The following FHIT variants were observed in gnomAD, a reference collection of about 807,000 sequenced individuals.
The protein encoded by FHIT is fragile histidine triad diadenosine triphosphatase.
FHIT carries 19 observed loss-of-function variants against 17.9 expected under a neutral mutation model. The observed-to-expected ratio is 1.06, with a 90% CI of 0.74 to 1.56. The LOEUF (loss-of-function observed/expected upper bound fraction) is 1.56. Among genes scored for constraint, FHIT ranks in the 40% most tolerant of loss-of-function variants. The pLI is 0.00. For missense variants in FHIT, 248 were observed against 189.2 expected, an observed-to-expected ratio of 1.31 and a Z score of -1.82; for synonymous variants, 81 against 69.7, an observed-to-expected ratio of 1.16 and a Z score of -0.81.
chr3:60,572,487 A>C (rs1488411710), intron 4 of FHIT, among the ~76,000 whole-genome samples: 1 of 151,734 alleles, frequency 6.6e-6, no homozygotes, highest in Non-Finnish European at 1.5e-5. Context: ...ATAATGGCTA[A>C]AAATCCACAG....
At chr3:60,829,275 A>G (rs1347894842) in intron 3 of FHIT, among the ~76,000 whole-genome samples, 5 of 152,160 alleles carry the variant, frequency 3.3e-5, no homozygotes, top group Admixed American at 2.6e-4. Flanking sequence ...TAACCAATAA[A>G]TTACCCCTCT....
intron 8 of FHIT, among the ~76,000 whole-genome samples, chr3:59,870,866 T>TTTGTGTCTGC (rs1553701978): frequency 4.2e-5 from 4 of 95,752 alleles, no homozygotes; most frequent in African/African-American, 1.2e-4. Flanking sequence ...CGTGTGTGTG[T>TTTGTGTCTGC]GTGTGTGCGT....
Position 60,014,004 on chromosome 3 carries a change from C to A in FHIT, c.249+3G>T. 2 of 1,613,864 alleles carry A rather than the reference C, an allele frequency of 1.2e-6. No individual in the cohort carries two copies. Among genetic ancestry groups the A allele is most frequent in the South Asian group, 1.1e-5 (1 of 91,050 alleles). Reference sequence around the variant, plus strand: ...ATCATTTCTGAGAAATCTGTACACTCACCTGCATGGAAAAGGTGAGAGAGG... The same window carrying A: ...ATCATTTCTGAGAAATCTGTACACTAACCTGCATGGAAAAGGTGAGAGAGG... On this transcript the variant is annotated splice_donor_region_variant and intron_variant, in intron 6 of 9. Coordinates refer to ENST00000492590, the MANE Select transcript of FHIT (RefSeq NM_002012.4).
At chr3:61,104,146 G>A (rs535177108) in intron 2 of FHIT, among the ~76,000 whole-genome samples, 1 of 152,062 alleles carries the variant, frequency 6.6e-6, no homozygotes, top group African/African-American at 2.4e-5. Flanking sequence ...TTGTTTATGT[G>A]GTTGTTTTAT....
chr3:60,689,947 T>C (rs1174669211), intron 4 of FHIT, among the ~76,000 whole-genome samples: 2 of 152,250 alleles, frequency 1.3e-5, no homozygotes, highest in African/African-American at 2.4e-5. Flanking sequence ...TCTCACTTTT[T>C]GTTAACTTGG....
At chr3:60,539,107 C>G (rs1191857186) in intron 4 of FHIT, among the ~76,000 whole-genome samples, 1 of 152,092 alleles carries the variant, frequency 6.6e-6, no homozygotes, top group Non-Finnish European at 1.5e-5. Context: ...AAAAAACAAA[C>G]AACCCCATCA....
At chr3:60,302,742 T>A (rs944939778) in intron 5 of FHIT, among the ~76,000 whole-genome samples, 4 of 152,150 alleles carry the variant, frequency 2.6e-5, no homozygotes, top group Non-Finnish European at 5.9e-5. Context: ...GAGGCTGAGC[T>A]CCTTTATCAA....
At chr3:61,093,147 G>A (rs931790538) in intron 2 of FHIT, among the ~76,000 whole-genome samples, 1 of 152,180 alleles carries the variant, frequency 6.6e-6, no homozygotes, top group Non-Finnish European at 1.5e-5. Context: ...AACGTGGTGG[G>A]ATGTTTTGAG....
chr3:60,190,031 T>C (rs958688252), intron 5 of FHIT, among the ~76,000 whole-genome samples: 1 of 152,242 alleles, frequency 6.6e-6, no homozygotes, highest in Non-Finnish European at 1.5e-5. Context: ...CCATTCAGCT[T>C]TGAAACATGT....
intron 8 of FHIT, among the ~76,000 whole-genome samples, chr3:59,803,480 C>T (rs565501303): frequency 5.5e-4 from 83 of 152,274 alleles, no homozygotes; most frequent in African/African-American, 1.9e-3. Flanking sequence ...TGTGATTTGG[C>T]GGCAGCACGG....
At chr3:60,003,632 T>C (rs1699812223) in intron 7 of FHIT, among the ~76,000 whole-genome samples, 1 of 152,004 alleles carries the variant, frequency 6.6e-6, no homozygotes, top group African/African-American at 2.4e-5. Flanking sequence ...GTAGTCCTAG[T>C]TACTCAGGAG....
At chr3:61,106,091 T>C (rs2035980868) in intron 2 of FHIT, among the ~76,000 whole-genome samples, 1 of 152,208 alleles carries the variant, frequency 6.6e-6, no homozygotes, top group South Asian at 2.1e-4. Flanking sequence ...ACTGAGAGCC[T>C]GAATTTCTAC....
At chr3:59,982,973 C>G (rs571696361) in intron 7 of FHIT, among the ~76,000 whole-genome samples, 3 of 151,712 alleles carry the variant, frequency 2.0e-5, no homozygotes, top group South Asian at 2.1e-4. Flanking sequence ...TTTTTTCATT[C>G]TGTTGCCCAG....
At chr3:60,314,364 T>A (rs1254879558) in intron 5 of FHIT, among the ~76,000 whole-genome samples, 1 of 152,120 alleles carries the variant, frequency 6.6e-6, no homozygotes, top group East Asian at 1.9e-4. Flanking sequence ...AATCTGACAG[T>A]TAACTGTAGG....
chr3:61,177,383 A>G (rs2038193256), intron 2 of FHIT, among the ~76,000 whole-genome samples: 1 of 152,150 alleles, frequency 6.6e-6, no homozygotes, highest in African/African-American at 2.4e-5. Flanking sequence ...TTCTTAGTTT[A>G]TACTCTCCAC....
chr3:60,436,882 A>G (rs1041536320), intron 5 of FHIT, among the ~76,000 whole-genome samples: 1 of 152,136 alleles, frequency 6.6e-6, no homozygotes, highest in Non-Finnish European at 1.5e-5. Context: ...TAGGAAAAAC[A>G]TTATTGGTCT....
At chr3:60,497,116 G>T (rs1482992693) in intron 5 of FHIT, among the ~76,000 whole-genome samples, 1 of 151,888 alleles carries the variant, frequency 6.6e-6, no homozygotes, top group Admixed American at 6.6e-5. Flanking sequence ...TCACAACTAG[G>T]AGGGGGCATG....
intron 8 of FHIT, among the ~76,000 whole-genome samples, chr3:59,807,848 G>A (rs1700262980): frequency 6.6e-6 from 1 of 152,222 alleles, no homozygotes; most frequent in Non-Finnish European, 1.5e-5. Flanking sequence ...AATTAAACTT[G>A]TTTGGTTTCA....
intron 5 of FHIT, among the ~76,000 whole-genome samples, chr3:60,235,633 G>A (rs1481580006): frequency 6.6e-6 from 1 of 152,132 alleles, no homozygotes; most frequent in Non-Finnish European, 1.5e-5. Flanking sequence ...AACATACACA[G>A]CAACATCATT....
Sources: allele counts gnomAD v4.1 joint callset (sites outside exome capture counted in the v4.1 genomes callset), GRCh38; gene constraint gnomAD v4.1.1; transcripts MANE v1.5; gene names NCBI Gene and HGNC (gene_info 2026-07-23, HGNC 2026-07-21).